TTC7B: variants seen among roughly 807,000 people sequenced by gnomAD.
TTC7B encodes the protein tetratricopeptide repeat protein 7B.
Under a neutral mutation model 106.8 loss-of-function variants are expected in TTC7B, and 28 were observed. The ratio of observed to expected loss-of-function variants is 0.26; its 90% CI spans 0.19 to 0.36. The LOEUF (loss-of-function observed/expected upper bound fraction) is 0.36, where lower values mean the gene tolerates loss of function less well. Ranked by LOEUF, TTC7B falls within the 10% of genes least tolerant of loss-of-function variation. The pLI is 1.00. For synonymous variants in TTC7B, 405 were observed against 430.6 expected, an observed-to-expected ratio of 0.94 and a Z score of 0.74; for missense variants, 862 against 1,076.4, an observed-to-expected ratio of 0.80 and a Z score of 2.79.
chr14:90,633,033 C>T (rs1884768398), intron 15 of TTC7B, among the ~76,000 whole-genome samples: 1 of 152,188 alleles, frequency 6.6e-6, no homozygotes, highest in African/African-American at 2.4e-5. Flanking sequence ...TCTGTGTTGA[C>T]ATGTATAAGA....
chr14:90,649,866 C>T (rs1483324054), intron 13 of TTC7B, among the ~76,000 whole-genome samples: 4 of 152,202 alleles, frequency 2.6e-5, no homozygotes, highest in African/African-American at 9.6e-5. Flanking sequence ...TTCTGGGGAG[C>T]ATGGAGATGA....
At chr14:90,801,130 C>T (rs145698918) in intron 1 of TTC7B, among the ~76,000 whole-genome samples, 2,541 of 146,068 alleles carry the variant, frequency 0.017, 72 homozygotes, top group African/African-American at 0.061. Flanking sequence ...GAGGCTGAGG[C>T]AAGAGGATCG....
intron 5 of TTC7B, among the ~76,000 whole-genome samples, chr14:90,723,010 T>A: frequency 6.6e-6 from 1 of 152,184 alleles, no homozygotes; most frequent in East Asian, 1.9e-4. Context: ...TATGCTGAAA[T>A]TCCCCATTTA....
At chr14:90,769,097 T>C (rs72695516) in intron 3 of TTC7B, among the ~76,000 whole-genome samples, 6,673 of 152,274 alleles carry the variant, frequency 0.044, 190 homozygotes, top group Non-Finnish European at 0.061. Flanking sequence ...GTCAAGCTGG[T>C]ATACATTTAA....
In TTC7B at chr14:90,530,700, C is replaced by T. The variant is rs941635769; in HGVS notation, c.*10668G>A. 4 of 152,224 alleles carry T rather than the reference C, an allele frequency of 2.6e-5. No homozygotes were observed. The highest frequency in any genetic ancestry group is 7.2e-5 in the African/African-American group (3 of 41,456). The allele number at this position is 152,224 out of a possible 1,614,324, so 9.4% of individuals were successfully genotyped here. A position where few individuals can be genotyped will look rare whatever the true frequency, so the allele number is the denominator to read the frequency against. On this transcript the variant is annotated 3_prime_UTR_variant, in exon 20 of 20. Transcript: ENST00000328459. Reference sequence around the variant, plus strand: ...ACATGGCCATGAGCCAAGCACACCCCTGAGAAACTGGAAAGGGCAAAGTTT... The same window carrying T: ...ACATGGCCATGAGCCAAGCACACCCTTGAGAAACTGGAAAGGGCAAAGTTT...
At chr14:90,542,142 T>C (rs1194348329) in intron 19 of TTC7B, among the ~76,000 whole-genome samples, 3 of 152,204 alleles carry the variant, frequency 2.0e-5, no homozygotes, top group South Asian at 4.1e-4. Context: ...GGTTTCACCA[T>C]GTTAGCCAGG....
chr14:90,541,245 C>G lies in TTC7B; in HGVS notation c.*123G>C, dbSNP rs1337174043. ...GTTGGTTTGGTTGGTTCACTGTGGCCCACTGAACACTCGTCCCTGGCCTCA... is the reference window on the plus strand; with the variant it reads ...GTTGGTTTGGTTGGTTCACTGTGGCGCACTGAACACTCGTCCCTGGCCTCA... On this transcript the variant is annotated 3_prime_UTR_variant, in exon 20 of 20. Transcript: ENST00000328459. 2 of 881,476 alleles carry G rather than the reference C, an allele frequency of 2.3e-6. No homozygotes were observed. The highest frequency in any genetic ancestry group is 3.3e-6 in the Non-Finnish European group (2 of 599,280). The allele number at this position is 881,476 out of a possible 1,614,324, so 54.6% of individuals were successfully genotyped here.
chr14:90,604,185 T>C (rs1595197190), intron 17 of TTC7B, among the ~76,000 whole-genome samples: 1 of 152,284 alleles, frequency 6.6e-6, no homozygotes, highest in East Asian at 1.9e-4. Flanking sequence ...AGTGGGAACA[T>C]ACCATGTTAT....
chr14:90,566,721 A>G (rs1216906852), intron 19 of TTC7B, among the ~76,000 whole-genome samples: 2 of 152,072 alleles, frequency 1.3e-5, no homozygotes, highest in African/African-American at 4.8e-5. Context: ...GGGGTGGGGA[A>G]TTTCCTACTG....
chr14:90,681,322 T>A (rs1887039577), intron 7 of TTC7B, among the ~76,000 whole-genome samples: 1 of 152,100 alleles, frequency 6.6e-6, no homozygotes, highest in South Asian at 2.1e-4. Context: ...ACTCAATATT[T>A]TTTCATGAAA....
intron 19 of TTC7B, among the ~76,000 whole-genome samples, chr14:90,566,479 CCCT>C (rs1477816909): frequency 6.6e-6 from 1 of 152,114 alleles, no homozygotes; most frequent in African/African-American, 2.4e-5. Flanking sequence ...TGTGCCTGTA[CCCT>C]CCTCCTTCAC....
intron 16 of TTC7B, among the ~76,000 whole-genome samples, chr14:90,617,054 T>C (rs1893113328): frequency 1.3e-5 from 2 of 152,158 alleles, no homozygotes; most frequent in South Asian, 4.1e-4. Context: ...GGCAAATAGG[T>C]GGGTGTCTGT....
chr14:90,613,454 A>C (rs1473194652), intron 16 of TTC7B, among the ~76,000 whole-genome samples: 1 of 152,196 alleles, frequency 6.6e-6, no homozygotes, highest in Non-Finnish European at 1.5e-5. Flanking sequence ...TGGATGCTTG[A>C]AGCAATTTTT....
chr14:90,746,371 G>A (rs1889967755), intron 3 of TTC7B, among the ~76,000 whole-genome samples: 1 of 152,162 alleles, frequency 6.6e-6, no homozygotes, highest in Admixed American at 6.5e-5. Context: ...GTATAGAGCT[G>A]TCCATAATAT....
intron 5 of TTC7B, among the ~76,000 whole-genome samples, chr14:90,716,882 G>A (rs953167991): frequency 3.9e-5 from 6 of 152,124 alleles, no homozygotes; most frequent in East Asian, 1.9e-4. Flanking sequence ...GACAGAAGAC[G>A]CAAATTATGC....
intron 3 of TTC7B, among the ~76,000 whole-genome samples, chr14:90,764,418 C>T (rs1378423443): frequency 1.3e-5 from 2 of 151,258 alleles, no homozygotes; most frequent in Non-Finnish European, 2.9e-5. Flanking sequence ...TTCTTAGATA[C>T]AAAACCAAAA....
At chr14:90,786,090 C>T (rs764220871) in intron 2 of TTC7B, 84 bp downstream of exon 2, 54 of 1,425,872 alleles carry the variant, frequency 3.8e-5, no homozygotes, top group African/African-American at 7.4e-5. Flanking sequence ...GAGCTCCAAA[C>T]GTCACCCGGC....
intron 17 of TTC7B, among the ~76,000 whole-genome samples, chr14:90,596,122 T>A (rs1365337760): frequency 6.6e-6 from 1 of 152,190 alleles, no homozygotes; most frequent in Non-Finnish European, 1.5e-5. Flanking sequence ...ACATGTTTTT[T>A]TTAACATGTT....
intron 5 of TTC7B, among the ~76,000 whole-genome samples, chr14:90,724,989 T>C (rs1889036371): frequency 6.6e-6 from 1 of 152,216 alleles, no homozygotes; most frequent in South Asian, 2.1e-4. Context: ...TCTTTTTTCT[T>C]TTCTCTACCA....
Sources: gnomAD v4.1 joint callset for allele counts (sites outside exome capture counted in the v4.1 genomes callset) on GRCh38, gnomAD v4.1.1 for gene constraint, MANE v1.5 for transcripts, NCBI Gene and HGNC (gene_info 2026-07-23, HGNC 2026-07-21) for gene names.